Variants in HECW1 observed in about 807,000 individuals in gnomAD.
HECW1 encodes E3 ubiquitin-protein ligase HECW1.
HECW1 carries 61 observed loss-of-function variants against 182.3 expected under a neutral mutation model. The observed-to-expected ratio is 0.33, with a 90% CI of 0.27 to 0.41. The LOEUF is 0.41. Ranked by LOEUF, HECW1 falls within the 10% of genes least tolerant of loss-of-function variation. The pLI is 1.00. For synonymous variants in HECW1, 859 were observed against 832.6 expected (o/e 1.03, Z -0.55); for missense variants, 1,739 against 2,108.9 (o/e 0.82, Z 3.44).
intron 29 of HECW1, 55 bp from the exon 30 acceptor site, chr7:43,561,760 G>A: frequency 8.2e-7 from 1 of 1,221,256 alleles, no homozygotes; most frequent in Non-Finnish European, 1.2e-6. Context: ...CACAGATCCA[G>A]AACCAGTTGT....
chr7:43,388,875 T>C (rs2074907313), intron 6 of HECW1, among the ~76,000 whole-genome samples: 1 of 152,112 alleles, frequency 6.6e-6, no homozygotes, highest in Non-Finnish European at 1.5e-5. Context: ...TGCCTCTTGA[T>C]GAGTTTGAAC....
rs2152877667 is a variant in HECW1 at position 43,444,576 on chromosome 7, A to G, written c.1404A>G (p.Ala468=). 6.2e-7 allele frequency: 1 copy of G among 1,611,090 alleles called. No homozygotes were observed. The highest frequency in any genetic ancestry group is 8.5e-7 in the Non-Finnish European group (1 of 1,178,888). Residue 468 remains alanine (A), a synonymous_variant, in exon 11 of 30, where the codon GCA becomes GCG. Transcript: ENST00000395891. This position sits in a 1 kb window ranked among gnomAD's most constrained non-coding sequence, Gnocchi z 4.3. ...AGCAGCTGGACCTGGGTGAGGAGGC[A>G]TCAGCACTGCTGCTGGAAGACGGTG... ...LAEQLDLGEE[A]SALLLEDGEA...
At chr7:43,437,569 C>G (rs1384686371) in intron 8 of HECW1, among the ~76,000 whole-genome samples, 2 of 152,188 alleles carry the variant, frequency 1.3e-5, no homozygotes, top group Non-Finnish European at 2.9e-5. Flanking sequence ...TTGTCTCTTC[C>G]CCCTCTCAAG....
intron 28 of HECW1, among the ~76,000 whole-genome samples, chr7:43,553,656 G>A (rs966062938): frequency 5.2e-5 from 7 of 134,780 alleles, no homozygotes; most frequent in Non-Finnish European, 7.8e-5. Flanking sequence ...GCAACAGAGC[G>A]AGATTCTGTC....
chr7:43,137,690 C>G (rs1236056513), intron 2 of HECW1, among the ~76,000 whole-genome samples: 2 of 152,056 alleles, frequency 1.3e-5, no homozygotes, highest in African/African-American at 4.8e-5. Flanking sequence ...GCTAGAACTA[C>G]AGGCATGTGC....
At chr7:43,186,836 T>C (rs562195137) in intron 2 of HECW1, among the ~76,000 whole-genome samples, 25 of 152,326 alleles carry the variant, frequency 1.6e-4, no homozygotes, top group Middle Eastern at 6.8e-3. Flanking sequence ...ATAGGTCATA[T>C]AGGTTATATA....
intron 2 of HECW1, among the ~76,000 whole-genome samples, chr7:43,131,545 TA>T (rs1240479002): frequency 2.6e-5 from 4 of 152,360 alleles, no homozygotes; most frequent in Non-Finnish European, 5.9e-5. Flanking sequence ...ATTTTTTTGG[TA>T]TTTCCATAGA....
chr7:43,191,606 A>G (rs1583893990), intron 2 of HECW1, among the ~76,000 whole-genome samples: 1 of 152,150 alleles, frequency 6.6e-6, no homozygotes, highest in East Asian at 1.9e-4. Flanking sequence ...TACTGTCAGC[A>G]TTTAGCATAT....
chr7:43,274,644 GGAGA>G (rs142241026), intron 3 of HECW1: 326 of 311,734 alleles, frequency 1.0e-3, no homozygotes, highest in South Asian at 1.6e-3. Flanking sequence ...GGGGAGGGAG[GGAGA>G]GAGAGAGAGA....
intron 2 of HECW1, among the ~76,000 whole-genome samples, chr7:43,192,926 G>A (rs963411545): frequency 6.6e-5 from 10 of 152,188 alleles, no homozygotes; most frequent in Admixed American, 5.2e-4. Flanking sequence ...AGTCATAAAA[G>A]GGTGGCTACT....
intron 2 of HECW1, among the ~76,000 whole-genome samples, chr7:43,146,527 G>A (rs946955143): frequency 3.3e-5 from 5 of 152,208 alleles, no homozygotes. Flanking sequence ...GAAAAGGGGA[G>A]AAAGGGAATG....
intron 2 of HECW1, among the ~76,000 whole-genome samples, chr7:43,176,806 T>C (rs1352122387): frequency 6.6e-6 from 1 of 152,148 alleles, no homozygotes; most frequent in Non-Finnish European, 1.5e-5. Context: ...ACCATACCAC[T>C]ATGTGATGTT....
At position 43,347,351 on chromosome 7, in the gene HECW1, A is replaced by G. The variant is rs1813821152; in HGVS notation, c.461-13535A>G. Among the ~76,000 whole-genome samples, 3 of 152,016 alleles carry G rather than the reference A, an allele frequency of 2.0e-5. No individual in the cohort carries two copies. The South Asian group carries it at 6.2e-4, about 32-fold the overall frequency. On this transcript the variant is annotated intron_variant, in intron 5 of 29. Coordinates refer to ENST00000395891, the MANE Select transcript of HECW1 (RefSeq NM_015052.5). Reference sequence around the variant, plus strand: ...GTTGCTGTTGATGTATAGAAGAGGTACTGATTTGTGTACATTAATCTTGTA... The same window carrying G: ...GTTGCTGTTGATGTATAGAAGAGGTGCTGATTTGTGTACATTAATCTTGTA...
At chr7:43,146,129 C>T (rs1322628755) in intron 2 of HECW1, among the ~76,000 whole-genome samples, 1 of 152,218 alleles carries the variant, frequency 6.6e-6, no homozygotes, top group Admixed American at 6.5e-5. Context: ...CTGAATTTTA[C>T]TATCTTGCTT....
At chr7:43,300,260 GTCC>G (rs992718935) in intron 3 of HECW1, among the ~76,000 whole-genome samples, 1 of 152,182 alleles carries the variant, frequency 6.6e-6, no homozygotes, top group African/African-American at 2.4e-5. Context: ...ACCTCTGCCA[GTCC>G]TCCTATCACA....
chr7:43,444,966 T>C lies in HECW1; in HGVS notation c.1794T>C (p.Asp598=). ...ESTLKDSSEK[D]GLSEVDTVAA... ...CCCTCAAGGACTCCTCGGAGAAGGA[T>C]GGGCTCAGCGAGGTGGACACGGTGG... is the stretch of plus-strand genomic sequence containing the variant. The change falls in exon 11 of 30, where the codon GAT becomes GAC. Residue 598 remains aspartate (D), a synonymous_variant. Coordinates refer to ENST00000395891, the MANE Select transcript of HECW1 (RefSeq NM_015052.5). The surrounding 1 kb of genome is among the most constrained non-coding windows in gnomAD (Gnocchi z 4.3). The C allele has an allele frequency of 6.4e-7, 1 of 1,569,194 alleles. No homozygotes were observed. The highest frequency in any genetic ancestry group is 1.3e-5 in the African/African-American group (1 of 74,088).
chr7:43,508,947 T>C lies in HECW1; in HGVS notation c.3867-22T>C, dbSNP rs1463679109. The C allele has an allele frequency of 2.5e-6, 4 of 1,611,812 alleles. No individual in the cohort carries two copies. The Admixed American group carries it at 5.0e-5, about 20-fold the overall frequency. On this transcript the variant is annotated intron_variant, in intron 23 of 29. Transcript: ENST00000395891. ...ACCTCCGGGCACAGAATGAGCTTCC[T>C]GGACCTCTGCTTTCTTTGCAGCCTG...
intron 2 of HECW1, among the ~76,000 whole-genome samples, chr7:43,132,732 T>A (rs1787094356): frequency 6.6e-6 from 1 of 152,154 alleles, no homozygotes; most frequent in African/African-American, 2.4e-5. Flanking sequence ...TTTTCTTTAA[T>A]TCTTGACCCT....
intron 3 of HECW1, chr7:43,274,467 G>C (rs774534064): frequency 1.6e-6 from 1 of 629,426 alleles, no homozygotes; most frequent in Non-Finnish European, 2.9e-6. Flanking sequence ...TGACCACCAT[G>C]GGCCGGCACC....
Sources: allele counts gnomAD v4.1 joint callset (sites outside exome capture counted in the v4.1 genomes callset), GRCh38; gene constraint gnomAD v4.1.1; non-coding constraint Gnocchi (gnomAD v3.1); transcripts MANE v1.5; gene names NCBI Gene and HGNC (gene_info 2026-07-23, HGNC 2026-07-21).